The following RBFOX1 variants were observed in gnomAD, a reference collection of about 807,000 sequenced individuals.
The protein encoded by RBFOX1 is RNA binding protein fox-1 homolog 1.
A neutral mutation model predicts 57.7 loss-of-function variants in RBFOX1; 8 were observed. The observed-to-expected ratio is 0.14, with a 90% CI of 0.08 to 0.25. The LOEUF (loss-of-function observed/expected upper bound fraction) is 0.25. Among genes scored for constraint, RBFOX1 ranks in the 10% least tolerant of loss-of-function variants. RBFOX1 has a pLI of 1.00. For missense variants in RBFOX1, 611 were observed against 548.5 expected, an observed-to-expected ratio of 1.11 and a Z score of -1.14; for synonymous variants, 326 against 222.4, an observed-to-expected ratio of 1.47 and a Z score of -4.15.
intron 2 of RBFOX1, among the ~76,000 whole-genome samples, chr16:5,576,285 G>A (rs1306676604): frequency 1.3e-5 from 2 of 152,154 alleles, no homozygotes; most frequent in Non-Finnish European, 2.9e-5. Flanking sequence ...GAGCCACTAC[G>A]CCTAACCAGA....
chr16:6,601,128 G>A (rs2097847728), intron 2 of RBFOX1, among the ~76,000 whole-genome samples: 1 of 152,218 alleles, frequency 6.6e-6, no homozygotes, highest in African/African-American at 2.4e-5. Context: ...TAGCCTAGTT[G>A]TAAAGCCTTT....
At chr16:6,560,655 G>T (rs1423358789) in intron 2 of RBFOX1, among the ~76,000 whole-genome samples, 54 of 152,188 alleles carry the variant, frequency 3.5e-4, no homozygotes, top group Non-Finnish European at 4.4e-5. Context: ...GTAAAATAGG[G>T]TCTTGACTTA....
chr16:7,588,024 C>A (rs559504487), intron 7 of RBFOX1, among the ~76,000 whole-genome samples: 1 of 152,036 alleles, frequency 6.6e-6, no homozygotes, highest in African/African-American at 2.4e-5. Context: ...ACTAAAAATA[C>A]AAAAATTAGC....
intron 2 of RBFOX1, among the ~76,000 whole-genome samples, chr16:6,627,320 C>A (rs981511196): frequency 6.6e-6 from 1 of 152,170 alleles, no homozygotes; most frequent in African/African-American, 2.4e-5. Flanking sequence ...GTATACCTTA[C>A]CTACTCTAGG....
chr16:6,281,333 G>C (rs1481131155), intron 1 of RBFOX1, among the ~76,000 whole-genome samples: 3 of 152,104 alleles, frequency 2.0e-5, no homozygotes, highest in African/African-American at 4.8e-5. Context: ...GCATCTCAGA[G>C]AGATTATGCA....
intron 4 of RBFOX1, among the ~76,000 whole-genome samples, chr16:7,241,071 T>G (rs1004069395): frequency 3.3e-5 from 5 of 152,166 alleles, no homozygotes; most frequent in Non-Finnish European, 7.3e-5. Flanking sequence ...GAAGGTTTAT[T>G]TAGCGCAGTT....
At chr16:6,117,596 T>C (rs1343058919) in intron 1 of RBFOX1, among the ~76,000 whole-genome samples, 2 of 152,258 alleles carry the variant, frequency 1.3e-5, no homozygotes, top group Non-Finnish European at 2.9e-5. Flanking sequence ...CCTTTTGCCG[T>C]GTGAAGACAC....
intron 2 of RBFOX1, among the ~76,000 whole-genome samples, chr16:6,609,687 G>A (rs895962339): frequency 1.3e-5 from 2 of 152,142 alleles, no homozygotes; most frequent in African/African-American, 4.8e-5. Flanking sequence ...ATGGTTCAGT[G>A]TTTCCTTCAT....
At chr16:6,005,965 A>G (rs772465173) in intron 4 of RBFOX1, among the ~76,000 whole-genome samples, 2 of 152,234 alleles carry the variant, frequency 1.3e-5, no homozygotes, top group Non-Finnish European at 2.9e-5. Flanking sequence ...CAGACTGTAT[A>G]GCAGACAAGG....
chr16:7,035,887 C>G (rs2044255589), intron 3 of RBFOX1, among the ~76,000 whole-genome samples: 1 of 152,038 alleles, frequency 6.6e-6, no homozygotes, highest in Non-Finnish European at 1.5e-5. Context: ...AACACAGACA[C>G]ACACACACAC....
At chr16:7,468,007 A>G (rs1201979883) in intron 4 of RBFOX1, among the ~76,000 whole-genome samples, 2 of 152,252 alleles carry the variant, frequency 1.3e-5, no homozygotes, top group African/African-American at 2.4e-5. Context: ...CAAGTGAAGC[A>G]GAAGGAAAAT....
Position 6,448,156 on chromosome 16 carries a change from C to CTTTTTTTTTTTTTTTTT in RBFOX1, c.-64+131104_-64+131120dup, listed in dbSNP as rs397969435. 2.9e-3 allele frequency among the ~76,000 whole-genome samples: 225 copies of CTTTTTTTTTTTTTTTTT among 78,476 alleles called. 2 individuals carry two copies. Among genetic ancestry groups the CTTTTTTTTTTTTTTTTT allele is most frequent in the Non-Finnish European group, 3.3e-3 (148 of 45,472 alleles). 51.5% of individuals were successfully genotyped at this position (78,476 alleles called of 152,430 possible). A position where few individuals can be genotyped will look rare whatever the true frequency, so the allele number is the denominator to read the frequency against. ...TTCTTTTTTTTCTTTTCTTTTCTTT[C>CTTTTTTTTTTTTTTTTT]TTTTTTTTTTTTTTTTTTTTTGAGA... is the stretch of plus-strand genomic sequence containing the variant. On this transcript the variant is annotated intron_variant, in intron 2 of 15. Transcript: ENST00000550418.
intron 2 of RBFOX1, among the ~76,000 whole-genome samples, chr16:6,406,380 A>G (rs771722996): frequency 4.6e-5 from 7 of 152,170 alleles, no homozygotes; most frequent in African/African-American, 1.7e-4. Flanking sequence ...CTGGTATGCA[A>G]TGTCACACTC....
At chr16:6,609,752 G>A (rs1314199512) in intron 2 of RBFOX1, among the ~76,000 whole-genome samples, 3 of 152,138 alleles carry the variant, frequency 2.0e-5, no homozygotes, top group Non-Finnish European at 1.5e-5. Context: ...AATCAGGCCT[G>A]TAATGCTAGC....
At position 6,995,724 on chromosome 16, in the gene RBFOX1, G is replaced by C. The variant is rs193161483; in HGVS notation, c.-15-56333G>C. On this transcript the variant is annotated intron_variant, in intron 3 of 15. Coordinates refer to ENST00000550418, the MANE Select transcript of RBFOX1 (RefSeq NM_018723.4). Reference sequence around the variant, plus strand: ...TGCAGTGAGCCAAGATCATGCCACCGCACTGCAGCCTGGGCCATAGAGTGA... The same window carrying C: ...TGCAGTGAGCCAAGATCATGCCACCCCACTGCAGCCTGGGCCATAGAGTGA... Among the ~76,000 whole-genome samples the C allele has an allele frequency of 5.3e-5, 8 of 152,050 alleles. No homozygotes were observed. The East Asian group carries it at 1.6e-3, about 30-fold the overall frequency.
intron 2 of RBFOX1, among the ~76,000 whole-genome samples, chr16:5,556,742 T>G (rs1264394890): frequency 6.6e-6 from 1 of 152,180 alleles, no homozygotes; most frequent in African/African-American, 2.4e-5. Context: ...ATGCATGACA[T>G]GTCCCCATGG....
chr16:7,252,102 A>T (rs1285658826), intron 4 of RBFOX1, among the ~76,000 whole-genome samples: 2 of 152,198 alleles, frequency 1.3e-5, no homozygotes, highest in African/African-American at 4.8e-5. Context: ...TTCAGAAGGA[A>T]GAGAAGGGAT....
At chr16:7,124,276 T>C (rs2067876084) in intron 4 of RBFOX1, among the ~76,000 whole-genome samples, 1 of 152,046 alleles carries the variant, frequency 6.6e-6, no homozygotes. Flanking sequence ...TTGCCAGGTG[T>C]AGTGGTGTGT....
chr16:6,668,291 T>A (rs984408956), intron 3 of RBFOX1, among the ~76,000 whole-genome samples: 4 of 152,060 alleles, frequency 2.6e-5, no homozygotes, highest in African/African-American at 9.7e-5. Flanking sequence ...AAAGAGTGCA[T>A]GATTGATTAG....
Sources: gnomAD v4.1 joint callset for allele counts (sites outside exome capture counted in the v4.1 genomes callset) on GRCh38, gnomAD v4.1.1 for gene constraint, MANE v1.5 for transcripts, NCBI Gene and HGNC (gene_info 2026-07-23, HGNC 2026-07-21) for gene names.